FLT1: variants seen among roughly 807,000 people sequenced by gnomAD.
FLT1 encodes fms related receptor tyrosine kinase 1, also known as vascular endothelial growth factor receptor 1.
A neutral mutation model predicts 156.3 loss-of-function variants in FLT1; 49 were observed. The ratio of observed to expected loss-of-function variants is 0.31; its 90% CI spans 0.25 to 0.40. The LOEUF is 0.40. Among genes scored for constraint, FLT1 ranks in the 10% least tolerant of loss-of-function variants. The pLI is 1.00. For synonymous variants in FLT1, 594 were observed against 583.8 expected (o/e 1.02, Z -0.25); for missense variants, 1,322 against 1,637.2 (o/e 0.81, Z 3.32).
chr13:28,428,585 T>G (rs944108105), intron 8 of FLT1, among the ~76,000 whole-genome samples: 17 of 152,202 alleles, frequency 1.1e-4, no homozygotes, highest in African/African-American at 4.1e-4. Flanking sequence ...AGTCAGAGGC[T>G]TGGGTGCTTG....
intron 20 of FLT1, among the ~76,000 whole-genome samples, chr13:28,324,555 C>T (rs1871599975): frequency 6.6e-6 from 1 of 152,244 alleles, no homozygotes; most frequent in Admixed American, 6.5e-5. Context: ...ACTGCCATTG[C>T]AGGTAACCCA....
chr13:28,357,409 C>A, intron 15 of FLT1, 145 bp downstream of exon 15: 1 of 853,756 alleles, frequency 1.2e-6, no homozygotes, highest in East Asian at 2.5e-5. Context: ...CAGTCCCTTC[C>A]CGGAGTGGCA....
intron 19 of FLT1, among the ~76,000 whole-genome samples, chr13:28,329,072 T>C (rs1871815291): frequency 6.6e-6 from 1 of 152,154 alleles, no homozygotes; most frequent in Non-Finnish European, 1.5e-5. Flanking sequence ...GCTCAAACAA[T>C]GATCACACAT....
chr13:28,334,197 A>T, intron 17 of FLT1, 68 bp from the exon 18 acceptor site: 1 of 1,014,354 alleles, frequency 9.9e-7, no homozygotes, highest in Non-Finnish European at 1.6e-6. Flanking sequence ...TTTTTCAGGA[A>T]GGAAATGCCT....
intron 14 of FLT1, among the ~76,000 whole-genome samples, chr13:28,380,417 G>A (rs1874027261): frequency 1.3e-5 from 2 of 152,148 alleles, no homozygotes; most frequent in East Asian, 1.9e-4. Context: ...GAACTTTACA[G>A]AAACTATATA....
chr13:28,473,697 GA>G (rs1299397945), intron 1 of FLT1, among the ~76,000 whole-genome samples: 30 of 114,638 alleles, frequency 2.6e-4, no homozygotes, highest in African/African-American at 6.0e-4. Flanking sequence ...GAGAGAGAAA[GA>G]AAAGAAAGAA....
At chr13:28,413,576 G>A (rs958505163) in intron 10 of FLT1, among the ~76,000 whole-genome samples, 2 of 152,110 alleles carry the variant, frequency 1.3e-5, no homozygotes, top group Non-Finnish European at 2.9e-5. Context: ...GGACTAGTTG[G>A]TGAGGAAGGG....
At chr13:28,372,566 G>GTATATATATATA (rs57608920) in intron 14 of FLT1, among the ~76,000 whole-genome samples, 1,122 of 91,250 alleles carry the variant, frequency 0.012, 67 homozygotes, top group East Asian at 0.02. Flanking sequence ...TAAATAAAAT[G>GTATATATATATA]TATATATATA....
chr13:28,345,408 T>C (rs751608811), intron 16 of FLT1, 37 bp downstream of exon 16: 17 of 1,300,542 alleles, frequency 1.3e-5, no homozygotes, highest in South Asian at 2.4e-5. Context: ...TTAGAATATA[T>C]GTAAAAAGGA....
chr13:28,386,434 TCTC>T, intron 13 of FLT1: 1 of 1,041,642 alleles, frequency 9.6e-7, no homozygotes, highest in East Asian at 5.8e-5. Flanking sequence ...TCATTAGTCT[TCTC>T]ATTTTATAAA....
At chr13:28,319,335 C>G in intron 24 of FLT1, 88 bp downstream of exon 24, 1 of 877,382 alleles carries the variant, frequency 1.1e-6, no homozygotes, top group Non-Finnish European at 1.9e-6. Context: ...AGGTTCTAAT[C>G]TAAAGGCTGT....
chr13:28,459,933 C>G (rs1382088148), intron 3 of FLT1, among the ~76,000 whole-genome samples: 4 of 152,244 alleles, frequency 2.6e-5, no homozygotes, highest in African/African-American at 9.6e-5. Flanking sequence ...TGGTGCATTT[C>G]CATCTTACAA....
chr13:28,396,400 G>A (rs900614719), intron 12 of FLT1, among the ~76,000 whole-genome samples: 1 of 152,098 alleles, frequency 6.6e-6, no homozygotes, highest in African/African-American at 2.4e-5. Context: ...GTGTACCTTG[G>A]AGGTTTTTAA....
chr13:28,400,739 CT>C (rs1455278745), intron 11 of FLT1, among the ~76,000 whole-genome samples: 8 of 152,190 alleles, frequency 5.3e-5, no homozygotes, highest in Non-Finnish European at 1.0e-4. Flanking sequence ...CAACTAAATA[CT>C]TTCAAAGAGA....
Position 28,345,489 on chromosome 13 carries a change from G to T in FLT1, c.2311C>A (p.Leu771Ile). ...TLTCTCVAATLFWLLLTLFIR... is the reference protein window; with the variant it reads ...TLTCTCVAATIFWLLLTLFIR... ...AAGAGGGTTAATAGGAGCCAGAAGA[G>T]AGTCGCAGCCACACAGGTGCATGTT... The change falls in exon 16 of 30, where the codon CTC (leucine) becomes ATC (isoleucine). Residue 771 changes from leucine to isoleucine, a missense_variant. Coordinates refer to ENST00000282397, the MANE Select transcript of FLT1 (RefSeq NM_002019.4). The T allele has an allele frequency of 1.2e-6, 2 of 1,613,364 alleles. No individual in the cohort carries two copies. The highest frequency in any genetic ancestry group is 1.7e-6 in the Non-Finnish European group (2 of 1,179,522).
At chr13:28,318,125 C>A (rs1358143216) in intron 24 of FLT1, among the ~76,000 whole-genome samples, 1 of 152,162 alleles carries the variant, frequency 6.6e-6, no homozygotes, top group African/African-American at 2.4e-5. Flanking sequence ...CCACACTTGG[C>A]TTGGGCTTCT....
At chr13:28,372,421 G>A (rs895885760) in intron 14 of FLT1, among the ~76,000 whole-genome samples, 1 of 150,462 alleles carries the variant, frequency 6.6e-6, no homozygotes, top group Non-Finnish European at 1.5e-5. Context: ...ATATGCACAC[G>A]TATAGGTTAA....
intron 15 of FLT1, among the ~76,000 whole-genome samples, chr13:28,350,767 C>T (rs903409789): frequency 2.6e-5 from 4 of 152,142 alleles, no homozygotes; most frequent in African/African-American, 9.7e-5. Context: ...ACTCTGTGCC[C>T]CAGTTTCCTC....
rs143856553 is a variant in FLT1 at position 28,341,797 on chromosome 13, T to C, written c.2356-2497A>G. Among the ~76,000 whole-genome samples, 626 of 152,326 alleles carry C rather than the reference T, an allele frequency of 4.1e-3. 20 individuals are homozygous for C. The highest frequency in any genetic ancestry group is 0.034 in the Admixed American group (519 of 15,300). ...ATGATCTCTTGCTCTCATTCTTTCT[T>C]ATTAACATCAAAATTTCACAGAATT... On this transcript the variant is annotated intron_variant, in intron 16 of 29. Coordinates refer to ENST00000282397, the MANE Select transcript of FLT1 (RefSeq NM_002019.4).
Sources: gnomAD v4.1 joint callset for allele counts (sites outside exome capture counted in the v4.1 genomes callset) on GRCh38, gnomAD v4.1.1 for gene constraint, MANE v1.5 for transcripts, NCBI Gene and HGNC (gene_info 2026-07-23, HGNC 2026-07-21) for gene names.